Variants in CST8 observed in about 807,000 individuals in gnomAD.
CST8 encodes cystatin 8.
CST8 carries 20 observed loss-of-function variants against 11.8 expected under a neutral mutation model. That is an observed-to-expected ratio of 1.70 (90% CI 1.20 to 2.47). The LOEUF is 2.47. CST8 is among the 30% of genes most tolerant of loss of function. The probability of loss-of-function intolerance (pLI) is 0.00; values close to 1 mark genes in which losing one functional copy is unlikely to be tolerated. For synonymous variants in CST8, 77 were observed against 63.1 expected (o/e 1.22, Z -1.05); for missense variants, 196 against 167.2 (o/e 1.17, Z -0.95).
chr20:23,493,027 A>G lies in CST8; in HGVS notation c.301A>G (p.Thr101Ala), dbSNP rs1447181952. ...ARSDCRKPLS[T>A]NEICAIQENS... ...CAGCGATTGCAGAAAGCCTTTAAGC[A>G]CTAATGAAATCTGCGCCATTCAAGA... Residue 101 changes from threonine to alanine, a missense_variant, in exon 3 of 4, where the codon ACT becomes GCT. Physicochemically the swap from Thr to Ala is moderately conservative, Grantham distance 58 (BLOSUM62 0). Transcript: ENST00000246012. 2 of 1,613,372 alleles carry G rather than the reference A, an allele frequency of 1.2e-6. No homozygotes were observed. Among genetic ancestry groups the G allele is most frequent in the Non-Finnish European group, 1.7e-6 (2 of 1,179,482 alleles).
At chr20:23,494,127 G>A (rs560409573) in intron 3 of CST8, among the ~76,000 whole-genome samples, 8 of 152,200 alleles carry the variant, frequency 5.3e-5, no homozygotes, top group African/African-American at 9.6e-5. Flanking sequence ...TAAATGACCC[G>A]TCAGGACAAA....
chr20:23,502,924 A>G, the CST8 span, among the ~76,000 whole-genome samples: 1 of 152,222 alleles, frequency 6.6e-6, no homozygotes, highest in African/African-American at 2.4e-5. Context: ...TGGAGAATTT[A>G]CCAATCTAGG....
At position 23,492,872 on chromosome 20, in the gene CST8, G is replaced by A. The variant is rs79566691; in HGVS notation, c.232-86G>A. ...AGGGAGGAAGGAAAGAGGAAAGGAC[G>A]AGAGTAAGAGTAATTTTTTTTTTTT... is the stretch of plus-strand genomic sequence containing the variant. On this transcript the variant is annotated intron_variant, in intron 2 of 3. Transcript: ENST00000246012. The A allele has an allele frequency of 2.7e-3, 2,168 of 816,340 alleles. 20 individuals are homozygous for A. The highest frequency in any genetic ancestry group is 0.019 in the African/African-American group (1,103 of 58,248). The allele number at this position is 816,340 out of a possible 1,614,324, so 50.6% of individuals were successfully genotyped here.
At chr20:23,496,026 T>C, downstream of CST8, 3 of 822,726 alleles carry the variant, frequency 3.6e-6, no homozygotes, top group Non-Finnish European at 5.9e-6. Context: ...GCCTCTCTGC[T>C]TGGTGTTTTG....
rs1159965833 is a variant in CST8, at chr20:23,495,860, A to C, written c.375A>C (p.Ala125=). 1.9e-6 allele frequency: 3 copies of C among 1,608,870 alleles called. No individual in the cohort carries two copies. Among genetic ancestry groups the C allele is most frequent in the Non-Finnish European group, 2.5e-6 (3 of 1,178,888 alleles). The change falls in exon 4 of 4, where the codon GCA becomes GCC. Residue 125 remains alanine (A), a synonymous_variant. Coordinates refer to ENST00000246012, the MANE Select transcript of CST8 (RefSeq NM_005492.4). ...RKLSCSFLVG[A]LPWNGEFTVM... is the part of the protein sequence containing the mutation. The stretch of plus-strand genomic sequence containing the variant: ...TAAGCTGCAGCTTTTTGGTAGGAGC[A>C]CTTCCCTGGAATGGTGAATTCACTG...
the CST8 span, among the ~76,000 whole-genome samples, chr20:23,505,248 G>T: frequency 3.4e-5 from 5 of 148,222 alleles, no homozygotes; most frequent in South Asian, 2.1e-4. Context: ...AGGTTTAAGC[G>T]ATTTTCCTGC....
chr20:23,493,672 A>G (rs1987959056), intron 3 of CST8, among the ~76,000 whole-genome samples: 1 of 152,200 alleles, frequency 6.6e-6, no homozygotes, highest in African/African-American at 2.4e-5. Context: ...GACTTGGCCC[A>G]GGGGCTTTTG....
Position 23,495,882 on chromosome 20 carries a change from A to T in CST8, c.397A>T (p.Thr133Ser). 1 of 1,611,010 alleles carries T rather than the reference A, an allele frequency of 6.2e-7. No individual in the cohort carries two copies. The change falls in exon 4 of 4, where the codon ACT becomes TCT. Residue 133 changes from threonine to serine, a missense_variant. Thr to Ser is a moderately conservative substitution (Grantham distance 58). Coordinates refer to ENST00000246012, the MANE Select transcript of CST8 (RefSeq NM_005492.4). ...VGALPWNGEF[T>S]VMEKKCEDA ...AGCACTTCCCTGGAATGGTGAATTC[A>T]CTGTGATGGAGAAAAAGTGTGAAGA... is the stretch of plus-strand genomic sequence containing the variant.
chr20:23,506,893 C>T, the CST8 span, among the ~76,000 whole-genome samples: 11 of 152,242 alleles, frequency 7.2e-5, no homozygotes, highest in East Asian at 5.8e-4. Context: ...CCCCCTGCCC[C>T]GATGTGACTC....
chr20:23,502,813 C>T, the CST8 span, among the ~76,000 whole-genome samples: 1 of 152,160 alleles, frequency 6.6e-6, no homozygotes, highest in Non-Finnish European at 1.5e-5. Flanking sequence ...TTCAGTAAGA[C>T]TCCGGAATAA....
chr20:23,505,462 T>C, the CST8 span, among the ~76,000 whole-genome samples: 439 of 152,196 alleles, frequency 2.9e-3, 3 homozygotes, highest in African/African-American at 0.01. Flanking sequence ...CATTCTTGAC[T>C]GAGTCTTCTA....
At chr20:23,498,547 G>T (rs62209306), downstream of CST8, among the ~76,000 whole-genome samples, 1 of 152,100 alleles carries the variant, frequency 6.6e-6, no homozygotes, top group Non-Finnish European at 1.5e-5. Flanking sequence ...GGAGACTGTC[G>T]CCCTGCCTTC....
At position 23,492,889 on chromosome 20, in the gene CST8, T is replaced by G. The variant is rs932335971; in HGVS notation, c.232-69T>G. 5.5e-6 allele frequency: 5 copies of G among 911,298 alleles called. No homozygotes were observed. The South Asian group carries it at 6.6e-5, about 12-fold the overall frequency. 56.5% of individuals were successfully genotyped at this position (911,298 alleles called of 1,614,324 possible). On this transcript the variant is annotated intron_variant, in intron 2 of 3. Transcript: ENST00000246012. Reference sequence around the variant, plus strand: ...GAAAGGACGAGAGTAAGAGTAATTTTTTTTTTTTGTCAAAACTTTAAAAAA... The same window carrying G: ...GAAAGGACGAGAGTAAGAGTAATTTGTTTTTTTTGTCAAAACTTTAAAAAA...
the CST8 span, among the ~76,000 whole-genome samples, chr20:23,507,109 C>T: frequency 6.6e-6 from 1 of 152,042 alleles, no homozygotes; most frequent in South Asian, 2.1e-4. Context: ...TAATAAACTC[C>T]CAATTGGTCT....
intron 3 of CST8, 73 bp downstream of exon 3, chr20:23,493,144 A>G: frequency 1.0e-6 from 1 of 954,020 alleles, no homozygotes; most frequent in Non-Finnish European, 1.7e-6. Context: ...AGGCACGCAG[A>G]CCTTCTCTTT....
the CST8 span, among the ~76,000 whole-genome samples, chr20:23,505,664 C>T: frequency 1.3e-5 from 2 of 152,294 alleles, no homozygotes; most frequent in African/African-American, 2.4e-5. Flanking sequence ...CCCTGAGGAA[C>T]GCCCTTACTG....
At chr20:23,492,334 G>A (rs1162218812) in intron 2 of CST8, among the ~76,000 whole-genome samples, 1 of 152,208 alleles carries the variant, frequency 6.6e-6, no homozygotes, top group Non-Finnish European at 1.5e-5. Context: ...ATTGCATTCA[G>A]TCACTAATGA....
chr20:23,498,016 C>T (rs534613391), downstream of CST8, among the ~76,000 whole-genome samples: 4 of 150,720 alleles, frequency 2.7e-5, no homozygotes, highest in East Asian at 7.8e-4. Context: ...TTTGTGTGTG[C>T]ATGTATGTGT....
In CST8 at chr20:23,491,911, T is replaced by C. The variant is rs1987898766; in HGVS notation, c.231+13T>C. 1.2e-6 allele frequency: 2 copies of C among 1,601,192 alleles called. No individual in the cohort carries two copies. The highest frequency in any genetic ancestry group is 1.7e-6 in the Non-Finnish European group (2 of 1,168,232). On this transcript the variant is annotated intron_variant, in intron 2 of 3. Transcript: ENST00000246012. ...AGCCCAGCTTCAGGTAAAGGTGTCT[T>C]TCCATATAGGTGGACATTTGCATAT...
Sources: allele counts gnomAD v4.1 joint callset (sites outside exome capture counted in the v4.1 genomes callset), GRCh38; gene constraint gnomAD v4.1.1; transcripts MANE v1.5; gene names NCBI Gene and HGNC (gene_info 2026-07-23, HGNC 2026-07-21).